The following SLC4A4 variants were observed in gnomAD, a reference collection of about 807,000 sequenced individuals.
SLC4A4 encodes the protein solute carrier family 4 member 4, also known as electrogenic sodium bicarbonate cotransporter 1.
Under a neutral mutation model 111.5 loss-of-function variants are expected in SLC4A4, and 27 were observed. The observed-to-expected ratio is 0.24, with a 90% CI of 0.18 to 0.33. The LOEUF is 0.33. SLC4A4 is among the 10% of genes least tolerant of loss of function. The pLI is 1.00. For synonymous variants in SLC4A4, 443 were observed against 463.4 expected (o/e 0.96, Z 0.57); for missense variants, 909 against 1,315.5 (o/e 0.69, Z 4.78).
chr4:71,175,331 G>A (rs1177779820), intron 2 of SLC4A4, among the ~76,000 whole-genome samples: 1 of 152,222 alleles, frequency 6.6e-6, no homozygotes, highest in Non-Finnish European at 1.5e-5. Context: ...ACTGGGGATT[G>A]TTGGACAGTG....
At chr4:71,514,409 C>A (rs995243074) in intron 16 of SLC4A4, among the ~76,000 whole-genome samples, 1 of 152,184 alleles carries the variant, frequency 6.6e-6, no homozygotes, top group African/African-American at 2.4e-5. Context: ...TTCCTGAGGC[C>A]TCCCCAGCCA....
At chr4:71,449,321 C>T (rs1725546431) in intron 9 of SLC4A4, among the ~76,000 whole-genome samples, 1 of 152,136 alleles carries the variant, frequency 6.6e-6, no homozygotes, top group Non-Finnish European at 1.5e-5. Context: ...TAGAGCTTTC[C>T]CAGACAGCCT....
At chr4:71,474,965 G>A (rs1577992035) in intron 14 of SLC4A4, among the ~76,000 whole-genome samples, 1 of 151,734 alleles carries the variant, frequency 6.6e-6, no homozygotes, top group Non-Finnish European at 1.5e-5. Flanking sequence ...TCCTAGGAAA[G>A]AAGGGGGATA....
intron 1 of SLC4A4, among the ~76,000 whole-genome samples, chr4:71,205,824 A>G (rs1717727590): frequency 6.6e-6 from 1 of 152,240 alleles, no homozygotes; most frequent in Non-Finnish European, 1.5e-5. Flanking sequence ...ACCAGTGAAC[A>G]TGGCTATTTA....
chr4:71,497,754 T>G, intron 16 of SLC4A4, 62 bp downstream of exon 16: 1 of 1,429,620 alleles, frequency 7.0e-7, no homozygotes, highest in Non-Finnish European at 9.8e-7. Context: ...ATAATACAAC[T>G]TTACAAGGTG....
At chr4:71,337,211 G>A (rs936100324) in intron 3 of SLC4A4, among the ~76,000 whole-genome samples, 2 of 152,124 alleles carry the variant, frequency 1.3e-5, no homozygotes, top group African/African-American at 2.4e-5. Flanking sequence ...ACTGAAATTT[G>A]AACTGTATTG....
intron 3 of SLC4A4, among the ~76,000 whole-genome samples, chr4:71,302,485 A>C (rs1725353170): frequency 6.6e-6 from 1 of 152,226 alleles, no homozygotes; most frequent in Non-Finnish European, 1.5e-5. Context: ...TATCAATGAA[A>C]ATTACCTTTA....
intron 2 of SLC4A4, among the ~76,000 whole-genome samples, chr4:71,105,799 G>T (rs1578484584): frequency 9.6e-6 from 1 of 103,898 alleles, no homozygotes; most frequent in Non-Finnish European, 2.1e-5. Context: ...TTAAACATTA[G>T]ACCTAAAACC....
At chr4:71,558,029 C>T (rs1736627013) in intron 22 of SLC4A4, 144 bp downstream of exon 22, 1 of 703,188 alleles carries the variant, frequency 1.4e-6, no homozygotes, top group Non-Finnish European at 2.5e-6. Flanking sequence ...TTGTAATTTA[C>T]ATTTCCCATG....
intron 1 of SLC4A4, among the ~76,000 whole-genome samples, chr4:71,089,489 CCA>C: frequency 6.6e-6 from 1 of 152,102 alleles, no homozygotes; most frequent in South Asian, 2.1e-4. Context: ...TTTAGAGTTT[CCA>C]GTTTTTCTGC....
chr4:71,114,061 C>A (rs1365925558), intron 2 of SLC4A4, among the ~76,000 whole-genome samples: 1 of 152,004 alleles, frequency 6.6e-6, no homozygotes, highest in African/African-American at 2.4e-5. Flanking sequence ...TTCTGGCTAA[C>A]ACGGTGAAAC....
chr4:71,419,535 T>A (rs912893456), intron 7 of SLC4A4, among the ~76,000 whole-genome samples: 1 of 152,256 alleles, frequency 6.6e-6, no homozygotes. Context: ...CCCCGTTTTT[T>A]AAGCCTGTCG....
chr4:71,563,543 T>C (rs1000879584), intron 23 of SLC4A4, among the ~76,000 whole-genome samples: 2 of 151,850 alleles, frequency 1.3e-5, no homozygotes, highest in Non-Finnish European at 2.9e-5. Flanking sequence ...ACAATTCAGT[T>C]GTAGATCGAT....
intron 21 of SLC4A4, 125 bp from the exon 22 acceptor site, chr4:71,557,587 C>A (rs930000613): frequency 8.8e-6 from 8 of 908,748 alleles, no homozygotes; most frequent in Admixed American, 1.9e-5. Context: ...CTTGACCATT[C>A]CTTTGTCCTC....
At chr4:71,093,719 C>T (rs1188998764) in intron 2 of SLC4A4, among the ~76,000 whole-genome samples, 6 of 152,074 alleles carry the variant, frequency 3.9e-5, no homozygotes, top group Non-Finnish European at 8.8e-5. Context: ...GCATTTTCCC[C>T]CTTTGTGTCT....
chr4:71,251,133 AT>A lies in SLC4A4; in HGVS notation c.74-4084del, dbSNP rs1456325076. The stretch of plus-strand genomic sequence containing the variant: ...TGTTAACCATCCACTCAGCTATAGA[AT>A]TTGTAGTTTGGCTGATCTAAAACCC... On this transcript the variant is annotated intron_variant, in intron 2 of 25. Transcript: ENST00000264485. Among the ~76,000 whole-genome samples, 19 of 152,318 alleles carry A rather than the reference AT, an allele frequency of 1.2e-4. 1 individual carries two copies. In the South Asian group the frequency reaches 3.9e-3, roughly 32 times the overall value.
rs527521396 is a variant in SLC4A4 at position 71,525,665 on chromosome 4, G to C, written c.2167-6397G>C. Among the ~76,000 whole-genome samples, 11 of 152,190 alleles carry C rather than the reference G, an allele frequency of 7.2e-5. No homozygotes were observed. In the East Asian group the frequency reaches 2.1e-3, roughly 29 times the overall value. ...TGTTCAAGCTAGATTTGAGGGCTCT[G>C]AAGCCACAGGTTTGGGCATGAACTC... is the stretch of plus-strand genomic sequence containing the variant. On this transcript the variant is annotated intron_variant, in intron 16 of 25. Transcript: ENST00000264485.
rs529060807 is a variant in SLC4A4 at position 71,397,875 on chromosome 4, G to A, written c.807+222G>A. 3.2e-4 allele frequency among the ~76,000 whole-genome samples: 48 copies of A among 152,244 alleles called. No individual in the cohort carries two copies. The South Asian group carries it at 9.9e-3, about 32-fold the overall frequency. On this transcript the variant is annotated intron_variant, in intron 7 of 25. Coordinates refer to ENST00000264485, the MANE Select transcript of SLC4A4 (RefSeq NM_001098484.3). ...CAGCTGTTGCAGATGCATCACTTGG[G>A]CAATTTAAATCTTAAAGCAATAGTT... is the stretch of plus-strand genomic sequence containing the variant.
At chr4:71,441,078 G>A (rs1168373902) in intron 8 of SLC4A4, among the ~76,000 whole-genome samples, 1 of 151,994 alleles carries the variant, frequency 6.6e-6, no homozygotes, top group East Asian at 1.9e-4. Flanking sequence ...GATGAAAAAA[G>A]GTCTAAGAGT....
Sources: gnomAD v4.1 joint callset for allele counts (sites outside exome capture counted in the v4.1 genomes callset) on GRCh38, gnomAD v4.1.1 for gene constraint, MANE v1.5 for transcripts, NCBI Gene and HGNC (gene_info 2026-07-23, HGNC 2026-07-21) for gene names.